The following STAG1 variants were observed in gnomAD, a reference collection of about 807,000 sequenced individuals.
STAG1 encodes cohesin subunit SA-1.
A neutral mutation model predicts 170.9 loss-of-function variants in STAG1; 26 were observed. That is an observed-to-expected ratio of 0.15 (90% CI 0.11 to 0.21). The LOEUF is 0.21. STAG1 is among the 10% of genes least tolerant of loss of function. The pLI, the probability that STAG1 is intolerant of heterozygous loss-of-function variation, is 1.00. For synonymous variants in STAG1, 514 were observed against 497.7 expected (o/e 1.03, Z -0.44); for missense variants, 964 against 1,509.5 (o/e 0.64, Z 5.99).
chr3:136,446,578 A>T (rs935025598), intron 14 of STAG1, among the ~76,000 whole-genome samples: 5 of 151,786 alleles, frequency 3.3e-5, no homozygotes, highest in Admixed American at 2.6e-4. Flanking sequence ...ACCTGCCACC[A>T]TGCCTGACTA....
chr3:136,526,356 T>C (rs1021458717), intron 6 of STAG1, among the ~76,000 whole-genome samples: 1 of 152,232 alleles, frequency 6.6e-6, no homozygotes, highest in Non-Finnish European at 1.5e-5. Context: ...GTTATGGCCT[T>C]CTTTGTCTCT....
chr3:136,597,162 T>C (rs1938465449), intron 4 of STAG1, among the ~76,000 whole-genome samples: 1 of 152,222 alleles, frequency 6.6e-6, no homozygotes, highest in South Asian at 2.1e-4. Context: ...TTTATTTTTT[T>C]GTTAGTATAA....
intron 13 of STAG1, among the ~76,000 whole-genome samples, chr3:136,459,389 G>C (rs1441540647): frequency 6.6e-6 from 1 of 152,010 alleles, no homozygotes; most frequent in African/African-American, 2.4e-5. Flanking sequence ...AGGAAAGAGA[G>C]TAACTGCAAT....
intron 1 of STAG1, among the ~76,000 whole-genome samples, chr3:136,732,761 C>T (rs959790363): frequency 2.0e-5 from 3 of 152,084 alleles, no homozygotes; most frequent in African/African-American, 7.2e-5. Flanking sequence ...AGGTGCCCAC[C>T]ACCATGCCAG....
At chr3:136,705,862 C>A (rs1443537801) in intron 1 of STAG1, among the ~76,000 whole-genome samples, 1 of 152,048 alleles carries the variant, frequency 6.6e-6, no homozygotes, top group Non-Finnish European at 1.5e-5. Context: ...AAACAAATGG[C>A]CAGACACAAT....
At chr3:136,419,590 G>A (rs1379113349) in intron 20 of STAG1, among the ~76,000 whole-genome samples, 3 of 150,782 alleles carry the variant, frequency 2.0e-5, no homozygotes, top group African/African-American at 4.9e-5. Context: ...GAATACAGGC[G>A]TGTGCCACCA....
chr3:136,494,494 C>G (rs1576529281), intron 9 of STAG1, among the ~76,000 whole-genome samples: 1 of 152,182 alleles, frequency 6.6e-6, no homozygotes, highest in East Asian at 1.9e-4. Context: ...AGTATTGACA[C>G]TGTTATTCCT....
At chr3:136,628,461 G>GA (rs1254866194) in intron 2 of STAG1, among the ~76,000 whole-genome samples, 3 of 151,374 alleles carry the variant, frequency 2.0e-5, no homozygotes, top group Admixed American at 6.6e-5. Context: ...CAGTGCTGGA[G>GA]AAAAAAAAGG....
chr3:136,441,578 T>C (rs1474092679), intron 15 of STAG1, among the ~76,000 whole-genome samples: 2 of 152,188 alleles, frequency 1.3e-5, no homozygotes, highest in Non-Finnish European at 2.9e-5. Flanking sequence ...TCTCAATGAA[T>C]TATGTCAAAG....
At chr3:136,666,276 A>C (rs1037293167) in intron 1 of STAG1, among the ~76,000 whole-genome samples, 1 of 151,992 alleles carries the variant, frequency 6.6e-6, no homozygotes, top group Admixed American at 6.6e-5. Context: ...TCCTGAAAGA[A>C]AACAGCGCTG....
In STAG1 at chr3:136,474,928, C is replaced by CT. The variant is rs538806519; in HGVS notation, c.1027-1292dup. On this transcript the variant is annotated intron_variant, in intron 10 of 33. Transcript: ENST00000383202. The stretch of plus-strand genomic sequence containing the variant: ...TTCCTCTCCCAACCACTTCCCTTCT[C>CT]TCGCCCAGGTTGAGGCCCATAGCCA... Among the ~76,000 whole-genome samples the CT allele has an allele frequency of 2.3e-4, 35 of 152,200 alleles. No individual in the cohort carries two copies. In the East Asian group the frequency reaches 6.6e-3, roughly 29 times the overall value.
At chr3:136,505,808 C>T (rs561468251) in intron 7 of STAG1, among the ~76,000 whole-genome samples, 15 of 152,304 alleles carry the variant, frequency 9.8e-5, no homozygotes, top group African/African-American at 3.6e-4. Flanking sequence ...TTTGGGAAGG[C>T]CTCTCTGAGA....
At chr3:136,385,172 G>C (rs1428359995) in intron 22 of STAG1, among the ~76,000 whole-genome samples, 2 of 152,020 alleles carry the variant, frequency 1.3e-5, no homozygotes, top group African/African-American at 4.8e-5. Flanking sequence ...TTTCTGGCTG[G>C]GTGGGGCAAT....
chr3:136,595,233 C>A (rs116488628), intron 4 of STAG1, among the ~76,000 whole-genome samples: 29 of 152,264 alleles, frequency 1.9e-4, no homozygotes, highest in Non-Finnish European at 3.5e-4. Flanking sequence ...TGTCACAGAT[C>A]TAAAAGTCAG....
Position 136,393,903 on chromosome 3 carries a change from T to C in STAG1, c.2277+4846A>G, listed in dbSNP as rs188901309. Among the ~76,000 whole-genome samples, 3 of 151,998 alleles carry C rather than the reference T, an allele frequency of 2.0e-5. No individual in the cohort carries two copies. The East Asian group carries it at 5.8e-4, about 30-fold the overall frequency. Reference sequence around the variant, plus strand: ...GAACCACTGTGTCCAGCCTGAAACATGGATTTTTCTTTTTTTTGAGACGGA... The same window carrying C: ...GAACCACTGTGTCCAGCCTGAAACACGGATTTTTCTTTTTTTTGAGACGGA... On this transcript the variant is annotated intron_variant, in intron 22 of 33. Coordinates refer to ENST00000383202, the MANE Select transcript of STAG1 (RefSeq NM_005862.3).
intron 21 of STAG1, among the ~76,000 whole-genome samples, chr3:136,411,512 C>G (rs1278497532): frequency 6.6e-6 from 1 of 152,122 alleles, no homozygotes; most frequent in Non-Finnish European, 1.5e-5. Flanking sequence ...GTGCTTTTCA[C>G]AAGCTAATGA....
intron 12 of STAG1, among the ~76,000 whole-genome samples, chr3:136,468,238 A>T (rs2089525244): frequency 6.6e-6 from 1 of 152,184 alleles, no homozygotes; most frequent in Non-Finnish European, 1.5e-5. Flanking sequence ...TGAAAAGATC[A>T]ACAAAACTGA....
At chr3:136,606,188 T>C (rs1199148977) in intron 3 of STAG1, among the ~76,000 whole-genome samples, 1 of 152,114 alleles carries the variant, frequency 6.6e-6, no homozygotes, top group African/African-American at 2.4e-5. Context: ...CATACTTTCT[T>C]TGAATTTTTT....
chr3:136,740,536 A>C (rs1443029648), intron 1 of STAG1, among the ~76,000 whole-genome samples: 1 of 152,118 alleles, frequency 6.6e-6, no homozygotes, highest in African/African-American at 2.4e-5. Flanking sequence ...GCTGGAGTGT[A>C]GTGGCGCAAT....
Sources: gnomAD v4.1 joint callset for allele counts (sites outside exome capture counted in the v4.1 genomes callset) on GRCh38, gnomAD v4.1.1 for gene constraint, MANE v1.5 for transcripts, NCBI Gene and HGNC (gene_info 2026-07-23, HGNC 2026-07-21) for gene names.